The following MAB21L4 variants were observed in gnomAD, a reference collection of about 807,000 sequenced individuals.
The protein encoded by MAB21L4 is protein mab-21-like 4.
In MAB21L4, 25 loss-of-function variants were observed where a neutral mutation model predicts 32.4. The ratio of observed to expected loss-of-function variants is 0.77; its 90% CI spans 0.56 to 1.08. The LOEUF is 1.08. Ranked by LOEUF, MAB21L4 falls within the 50% of genes least tolerant of loss-of-function variation. The pLI, the probability that MAB21L4 is intolerant of heterozygous loss-of-function variation, is 0.00. For synonymous variants in MAB21L4, 280 were observed against 276.8 expected (o/e 1.01, Z -0.11); for missense variants, 638 against 611.0 (o/e 1.04, Z -0.47).
chr2:240,895,594 C>G lies in MAB21L4; in HGVS notation c.404G>C (p.Gly135Ala). Reference sequence around the variant, plus strand: ...AATGTGTCCACGGCACTTGGCGTCACCCTCCGAGGAGGCAGTGAAGGTATC... The same window carrying G: ...AATGTGTCCACGGCACTTGGCGTCAGCCTCCGAGGAGGCAGTGAAGGTATC... Reference protein sequence around the residue: ...TEDTFTASSEGDAKCRGHIVP... With the variant: ...TEDTFTASSEADAKCRGHIVP... Residue 135 changes from glycine (G) to alanine (A), a missense_variant, in exon 1 of 5, where the codon GGT (glycine) becomes GCT (alanine). Transcript: ENST00000388934. 4 of 1,612,812 alleles carry G rather than the reference C, an allele frequency of 2.5e-6. No individual in the cohort carries two copies. The highest frequency in any genetic ancestry group is 1.7e-5 in the Admixed American group (1 of 60,006).
Position 240,888,525 on chromosome 2 carries a change from A to G in MAB21L4, c.1018T>C (p.Phe340Leu). The G allele has an allele frequency of 6.2e-7, 1 of 1,608,220 alleles. No homozygotes were observed. The change falls in exon 4 of 5, where the codon TTC (phenylalanine) becomes CTC (leucine). Residue 340 changes from phenylalanine (F) to leucine (L), a missense_variant. Transcript: ENST00000388934. ...AGCAGGTTGCGCTGCGGGTGGAGGA[A>G]GTGGGGCAGCTTCCGCGTGGCCAGG... ...CCLATRKLPH[F>L]LHPQRNLLQG... is the part of the protein sequence containing the mutation.
At chr2:240,894,580 G>A (rs548061590) in intron 1 of MAB21L4, among the ~76,000 whole-genome samples, 13 of 152,326 alleles carry the variant, frequency 8.5e-5, no homozygotes, top group South Asian at 4.1e-4. Context: ...CCAGGTGGGC[G>A]GATCATCTGA....
chr2:240,891,628 A>AC lies in MAB21L4; in HGVS notation c.649dup (p.Val217GlyfsTer9), dbSNP rs555765305. ...CTCAGGGAATCCGGGCATCTGCTGCACCCCCTCCAGGGCAGGCGCCCCAAG... is the reference window on the plus strand; with the variant it reads ...CTCAGGGAATCCGGGCATCTGCTGCACCCCCCTCCAGGGCAGGCGCCCCAAG... On this transcript the variant is annotated frameshift_variant, in exon 2 of 5. Coordinates refer to ENST00000388934, the MANE Select transcript of MAB21L4 (RefSeq NM_001085437.3). LOFTEE classifies it high-confidence loss of function. 109 of 1,608,824 alleles carry AC rather than the reference A, an allele frequency of 6.8e-5. No individual in the cohort carries two copies. Among genetic ancestry groups the AC allele is most frequent in the Non-Finnish European group, 4.2e-6 (5 of 1,179,878 alleles).
intron 1 of MAB21L4, among the ~76,000 whole-genome samples, chr2:240,892,561 C>T (rs919003677): frequency 2.0e-5 from 3 of 152,160 alleles, no homozygotes; most frequent in Non-Finnish European, 4.4e-5. Context: ...AGAGCCAGCT[C>T]GGCCACCGCC....
intron 1 of MAB21L4, 108 bp downstream of exon 1, chr2:240,895,376 C>A: frequency 7.2e-6 from 8 of 1,111,046 alleles, no homozygotes; most frequent in Non-Finnish European, 1.0e-5. Context: ...CCTGTGTGCA[C>A]GTACATGGCA....
Position 240,895,575 on chromosome 2 carries a change from T to C in MAB21L4, c.423A>G (p.Gly141=), listed in dbSNP as rs765995098. 10 of 1,612,350 alleles carry C rather than the reference T, an allele frequency of 6.2e-6. No individual in the cohort carries two copies. In the East Asian group the frequency reaches 1.6e-4, roughly 25 times the overall value. Residue 141 remains glycine, a synonymous_variant, in exon 1 of 5, where the codon GGA becomes GGG. Coordinates refer to ENST00000388934, the MANE Select transcript of MAB21L4 (RefSeq NM_001085437.3). ...ASSEGDAKCR[G]HIVPSKVLCV... ...ACAGGACCTTGCTGGGCACAATGTG[T>C]CCACGGCACTTGGCGTCACCCTCCG... is the stretch of plus-strand genomic sequence containing the variant.
chr2:240,895,925 T>C lies in MAB21L4; in HGVS notation c.73A>G (p.Ile25Val), dbSNP rs2106442253. ...GCACGCGGCGCCTCCCGGGACCGGA[T>C]GGCCTGCAGGTAGTGGTGCCACAGG... ...VPLWHHYLQA[I>V]RSREAPRAQD... is the part of the protein sequence containing the mutation. The change falls in exon 1 of 5, where the codon ATC (isoleucine) becomes GTC (valine). Residue 25 changes from isoleucine (I) to valine (V), a missense_variant. Coordinates refer to ENST00000388934, the MANE Select transcript of MAB21L4 (RefSeq NM_001085437.3). 2 of 1,507,334 alleles carry C rather than the reference T, an allele frequency of 1.3e-6. No homozygotes were observed. Among genetic ancestry groups the C allele is most frequent in the East Asian group, 2.3e-5 (1 of 43,320 alleles). 93.4% of individuals were successfully genotyped at this position (1,507,334 alleles called of 1,614,324 possible).
In MAB21L4 at chr2:240,886,633, C is replaced by T. The variant is rs13397515; in HGVS notation, c.*437G>A. ...TTTCTACTTCTAGGGGAAATATTTT[C>T]CACACTGATATACAAAAAGTGGACA... On this transcript the variant is annotated 3_prime_UTR_variant, in exon 5 of 5. Transcript: ENST00000388934. The T allele has an allele frequency of 0.43, 66,596 of 154,430 alleles. 14,714 individuals are homozygous for T. Among genetic ancestry groups the T allele is most frequent in the East Asian group, 0.57 (2,980 of 5,266 alleles). The allele number at this position is 154,430 out of a possible 1,614,324, so 9.6% of individuals were successfully genotyped here.
rs1205309729 is a variant in MAB21L4, at chr2:240,888,504, G to C, written c.1039C>G (p.Leu347Val). 6.2e-7 allele frequency: 1 copy of C among 1,606,772 alleles called. No homozygotes were observed. Among genetic ancestry groups the C allele is most frequent in the Admixed American group, 1.7e-5 (1 of 59,832 alleles). Reference protein sequence around the residue: ...LPHFLHPQRNLLQGSGLDLGA... With the variant: ...LPHFLHPQRNVLQGSGLDLGA... The stretch of plus-strand genomic sequence containing the variant: ...AGGTCCAGGCCGCTGCCCTGCAGCA[G>C]GTTGCGCTGCGGGTGGAGGAAGTGG... Residue 347 changes from leucine (L) to valine (V), a missense_variant, in exon 4 of 5, where the codon CTG becomes GTG. Leu to Val is a conservative substitution (Grantham distance 32). Coordinates refer to ENST00000388934, the MANE Select transcript of MAB21L4 (RefSeq NM_001085437.3).
intron 1 of MAB21L4, among the ~76,000 whole-genome samples, chr2:240,892,583 G>C (rs1308207435): frequency 1.3e-5 from 2 of 151,972 alleles, no homozygotes; most frequent in African/African-American, 4.8e-5. Context: ...TTTCTGGGCT[G>C]CCCAGGCCAG....
At chr2:240,888,122 C>A (rs1429875009) in intron 4 of MAB21L4, among the ~76,000 whole-genome samples, 170 bp downstream of exon 4, 2 of 152,200 alleles carry the variant, frequency 1.3e-5, no homozygotes, top group African/African-American at 4.8e-5. Flanking sequence ...GCCCGTGTGA[C>A]CCCCAGACAT....
In MAB21L4 at chr2:240,889,372, G is replaced by A. The variant is rs1448612123; in HGVS notation, c.894+633C>T. Among the ~76,000 whole-genome samples the A allele has an allele frequency of 4.6e-5, 7 of 152,222 alleles. No individual in the cohort carries two copies. In the South Asian group the frequency reaches 1.0e-3, roughly 23 times the overall value. On this transcript the variant is annotated intron_variant, in intron 3 of 4. Coordinates refer to ENST00000388934, the MANE Select transcript of MAB21L4 (RefSeq NM_001085437.3). The stretch of plus-strand genomic sequence containing the variant: ...CCTCAACACTGAGCCAGGTGGAGGG[G>A]CCAGCCCCATCTGTGGAGCAGCGCC...
Position 240,895,599 on chromosome 2 carries a change from C to T in MAB21L4, c.399G>A (p.Ser133=), listed in dbSNP as rs1462498300. 1.1e-5 allele frequency: 18 copies of T among 1,612,820 alleles called. No homozygotes were observed. Among genetic ancestry groups the T allele is most frequent in the South Asian group, 2.2e-5 (2 of 91,046 alleles). Residue 133 remains serine, a synonymous_variant, in exon 1 of 5, where the codon TCG becomes TCA. Transcript: ENST00000388934. The part of the protein sequence containing the change: ...WTTEDTFTAS[S]EGDAKCRGHI... ...GTCCACGGCACTTGGCGTCACCCTCCGAGGAGGCAGTGAAGGTATCCTCGG... is the reference window on the plus strand; with the variant it reads ...GTCCACGGCACTTGGCGTCACCCTCTGAGGAGGCAGTGAAGGTATCCTCGG...
chr2:240,886,499 T>C lies in MAB21L4; in HGVS notation c.*571A>G, dbSNP rs1054430751. On this transcript the variant is annotated 3_prime_UTR_variant, in exon 5 of 5. Transcript: ENST00000388934. ...CTCATGGCTGTGTGTGCACCCTCAG[T>C]TGGCTTTAGTTTGCTCTAAGAACGA... 2 of 152,444 alleles carry C rather than the reference T, an allele frequency of 1.3e-5. No individual in the cohort carries two copies. Among genetic ancestry groups the C allele is most frequent in the African/African-American group, 2.4e-5 (1 of 41,402 alleles). The allele number at this position is 152,444 out of a possible 1,614,324, so 9.4% of individuals were successfully genotyped here. A position where few individuals can be genotyped will look rare whatever the true frequency, so the allele number is the denominator to read the frequency against.
rs1401555961 is a variant in MAB21L4 at position 240,886,107 on chromosome 2, G to T, written c.*963C>A. Reference sequence around the variant, plus strand: ...CGCAGGCTATACAGGAAGCATGGCTGGGAGGCCTCAGGAAACTGACAATCA... The same window carrying T: ...CGCAGGCTATACAGGAAGCATGGCTTGGAGGCCTCAGGAAACTGACAATCA... On this transcript the variant is annotated 3_prime_UTR_variant, in exon 5 of 5. Coordinates refer to ENST00000388934, the MANE Select transcript of MAB21L4 (RefSeq NM_001085437.3). 2 of 154,234 alleles carry T rather than the reference G, an allele frequency of 1.3e-5. No homozygotes were observed. Among genetic ancestry groups the T allele is most frequent in the South Asian group, 2.0e-4 (1 of 4,962 alleles). 9.6% of individuals were successfully genotyped at this position (154,234 alleles called of 1,614,324 possible). A position where few individuals can be genotyped will look rare whatever the true frequency, so the allele number is the denominator to read the frequency against.
rs765336347 is a variant in MAB21L4, at chr2:240,888,689, C to A, written c.895-41G>T. 7.2e-6 allele frequency: 10 copies of A among 1,394,462 alleles called. No homozygotes were observed. In the Admixed American group the frequency reaches 2.1e-4, roughly 29 times the overall value. The allele number at this position is 1,394,462 out of a possible 1,614,324, so 86.4% of individuals were successfully genotyped here. ...GTCAGCCCTGGCCTCCTGGCCCACC[C>A]GGCCCACCCTGTGCTCCCACCCTGC... On this transcript the variant is annotated intron_variant, in intron 3 of 4. Coordinates refer to ENST00000388934, the MANE Select transcript of MAB21L4 (RefSeq NM_001085437.3).
intron 1 of MAB21L4, chr2:240,892,152 C>A: frequency 9.9e-7 from 1 of 1,009,010 alleles, no homozygotes; most frequent in South Asian, 2.1e-5. Context: ...CACTCTGCCC[C>A]AGCCCTGGGG....
Position 240,888,309 on chromosome 2 carries a change from C to T in MAB21L4, c.1234G>A (p.Asp412Asn), listed in dbSNP as rs948512837. Reference sequence around the variant, plus strand: ...GCACCCACCTTGTCCAGCAGGACGTCGAAGTAGGCAGTGGCCCAGTAAGTG... The same window carrying T: ...GCACCCACCTTGTCCAGCAGGACGTTGAAGTAGGCAGTGGCCCAGTAAGTG... ...DPTYWATAYF[D>N]VLLDKFQVFN... Residue 412 changes from aspartate (D) to asparagine (N), a missense_variant, in exon 4 of 5, where the codon GAC becomes AAC. Coordinates refer to ENST00000388934, the MANE Select transcript of MAB21L4 (RefSeq NM_001085437.3). 16 of 1,571,494 alleles carry T rather than the reference C, an allele frequency of 1.0e-5. No homozygotes were observed. The highest frequency in any genetic ancestry group is 2.4e-5 in the South Asian group (2 of 83,894).
rs755074570 is a variant in MAB21L4, at chr2:240,888,510, G to A, written c.1033C>T (p.Arg345Cys). 2.7e-5 allele frequency: 43 copies of A among 1,607,050 alleles called. No homozygotes were observed. The African/African-American group carries it at 2.8e-4, about 10-fold the overall frequency. Residue 345 changes from arginine (R) to cysteine (C), a missense_variant, in exon 4 of 5, where the codon CGC (arginine) becomes TGC (cysteine). Physicochemically the swap from Arg to Cys is radical, Grantham distance 180. Coordinates refer to ENST00000388934, the MANE Select transcript of MAB21L4 (RefSeq NM_001085437.3). ...AGGCCGCTGCCCTGCAGCAGGTTGCGCTGCGGGTGGAGGAAGTGGGGCAGC... is the reference window on the plus strand; with the variant it reads ...AGGCCGCTGCCCTGCAGCAGGTTGCACTGCGGGTGGAGGAAGTGGGGCAGC... ...RKLPHFLHPQ[R>C]NLLQGSGLDL...
Sources: gnomAD v4.1 joint callset for allele counts (sites outside exome capture counted in the v4.1 genomes callset) on GRCh38, gnomAD v4.1.1 for gene constraint, MANE v1.5 for transcripts, NCBI Gene and HGNC (gene_info 2026-07-23, HGNC 2026-07-21) for gene names.